Variants in SGO1 observed in about 807,000 individuals in gnomAD.
SGO1 encodes shugoshin 1, also known as serologically defined breast cancer antigen NY-BR-85.
Under a neutral mutation model 50.5 loss-of-function variants are expected in SGO1, and 39 were observed. The ratio of observed to expected loss-of-function variants is 0.77; its 90% CI spans 0.60 to 1.01. SGO1 has a LOEUF of 1.01. Among genes scored for constraint, SGO1 ranks in the 50% least tolerant of loss-of-function variants. The pLI is 0.00. For synonymous variants in SGO1, 191 were observed against 205.1 expected (o/e 0.93, Z 0.59); for missense variants, 638 against 606.0 (o/e 1.05, Z -0.55).
Position 20,174,370 on chromosome 3 carries a change from C to T in SGO1, c.1161G>A (p.Lys387=), listed in dbSNP as rs1487879707. 1 of 1,614,174 alleles carries T rather than the reference C, an allele frequency of 6.2e-7. No homozygotes were observed. ...DSDDLYLPTC[K]YIQNPTSNSD... is the part of the protein sequence containing the mutation. ...AATTGCTCGTGGGATTCTGAATGTA[C>T]TTGCAAGTGGGCAAATAGAGGTCAT... The change falls in exon 6 of 8, where the codon AAG becomes AAA. Residue 387 remains lysine (K), a synonymous_variant. Coordinates refer to ENST00000412997, the MANE Select transcript of SGO1 (RefSeq NM_001199251.3).
chr3:20,177,701 G>C (rs1701555965), intron 4 of SGO1, among the ~76,000 whole-genome samples: 1 of 152,086 alleles, frequency 6.6e-6, no homozygotes. Flanking sequence ...ATATACATTA[G>C]TCAAACTCAT....
chr3:20,180,747 T>C (rs1490602465), intron 3 of SGO1, among the ~76,000 whole-genome samples: 1 of 152,238 alleles, frequency 6.6e-6, no homozygotes, highest in African/African-American at 2.4e-5. Context: ...TAATTATCTT[T>C]TGAAATTTGA....
At chr3:20,175,091 T>C in intron 5 of SGO1, 36 bp from the exon 6 acceptor site, 1 of 1,370,382 alleles carries the variant, frequency 7.3e-7, no homozygotes, top group Non-Finnish European at 9.5e-7. Context: ...AAAGTAGTTT[T>C]ACTTTGTGGA....
In SGO1 at chr3:20,171,163, G is replaced by C. The variant is rs1700696157; in HGVS notation, c.1352C>G (p.Pro451Arg). The C allele has an allele frequency of 1.9e-6, 3 of 1,612,786 alleles. No individual in the cohort carries two copies. Among genetic ancestry groups the C allele is most frequent in the Non-Finnish European group, 2.5e-6 (3 of 1,179,560 alleles). ...AGAAAGTCTTCTGATTTTCACAACA[G>C]GATACAAGGAGACATTGGTGATATC... is the stretch of plus-strand genomic sequence containing the variant. Reference protein sequence around the residue: ...LKDITNVSLYPVVKIRRLSLS... With the variant: ...LKDITNVSLYRVVKIRRLSLS... Residue 451 changes from proline to arginine, a missense_variant, in exon 7 of 8, where the codon CCT becomes CGT. By Grantham distance (103) the Pro-to-Arg change is moderately radical (BLOSUM62 -2). Transcript: ENST00000412997.
intron 6 of SGO1, among the ~76,000 whole-genome samples, chr3:20,172,726 G>A (rs1700890825): frequency 6.7e-6 from 1 of 148,750 alleles, no homozygotes. Context: ...AAGGCAGGAG[G>A]ACTGCTTTAG....
At chr3:20,186,427 A>C (rs576408835), upstream of SGO1, 3 of 151,588 alleles carry the variant, frequency 2.0e-5, no homozygotes, top group Non-Finnish European at 2.9e-5. Flanking sequence ...AGTCGTGGGG[A>C]TTTTACGGGT....
chr3:20,171,128 T>C lies in SGO1; in HGVS notation c.1387A>G (p.Lys463Glu), dbSNP rs1295023289. ...VKIRRLSLSP[K>E]KNKASPAVAL... ...ACTGCTGGGCTTGCTTTATTCTTTTTTGGAGAAAGAGAAAGTCTTCTGATT... is the reference window on the plus strand; with the variant it reads ...ACTGCTGGGCTTGCTTTATTCTTTTCTGGAGAAAGAGAAAGTCTTCTGATT... The change falls in exon 7 of 8, where the codon AAA (lysine) becomes GAA (glutamate). Residue 463 changes from lysine to glutamate, a missense_variant. By Grantham distance (56) the Lys-to-Glu change is moderately conservative. Coordinates refer to ENST00000412997, the MANE Select transcript of SGO1 (RefSeq NM_001199251.3). 3 of 1,613,486 alleles carry C rather than the reference T, an allele frequency of 1.9e-6. No homozygotes were observed. The highest frequency in any genetic ancestry group is 2.2e-5 in the East Asian group (1 of 44,822).
intron 3 of SGO1, among the ~76,000 whole-genome samples, chr3:20,180,127 T>C (rs1250938354): frequency 6.6e-6 from 1 of 152,066 alleles, no homozygotes; most frequent in Non-Finnish European, 1.5e-5. Flanking sequence ...TGAGATGGTC[T>C]CCACAAAAAA....
At chr3:20,179,548 C>T (rs2125349842) in intron 3 of SGO1, among the ~76,000 whole-genome samples, 1 of 152,212 alleles carries the variant, frequency 6.6e-6, no homozygotes, top group South Asian at 2.1e-4. Context: ...CCTCAGCCTC[C>T]CAAGTAGCTG....
intron 8 of SGO1, among the ~76,000 whole-genome samples, chr3:20,164,460 A>G (rs976505449): frequency 2.6e-5 from 4 of 152,198 alleles, no homozygotes; most frequent in African/African-American, 9.6e-5. Context: ...GTTATTAGTG[A>G]TCACTTACAG....
At chr3:20,172,446 A>T (rs1336656857) in intron 6 of SGO1, among the ~76,000 whole-genome samples, 1 of 147,050 alleles carries the variant, frequency 6.8e-6, no homozygotes, top group African/African-American at 2.5e-5. Flanking sequence ...GGTTGGGATG[A>T]GCTGAGATCG....
At position 20,170,128 on chromosome 3, in the gene SGO1, GC is replaced by G; in HGVS notation, c.*575del. The G allele has an allele frequency of 1.0e-6, 1 of 984,860 alleles. No homozygotes were observed. Among genetic ancestry groups the G allele is most frequent in the Non-Finnish European group, 1.2e-6 (1 of 829,446 alleles). The allele number at this position is 984,860 out of a possible 1,614,324, so 61.0% of individuals were successfully genotyped here. On this transcript the variant is annotated 3_prime_UTR_variant, in exon 8 of 8. Coordinates refer to ENST00000412997, the MANE Select transcript of SGO1 (RefSeq NM_001199251.3). ...TTGTATAAGATACATTTTGGGCTGG[GC>G]ACAGTGGCTCAGTAATCCCAGCACT... is the stretch of plus-strand genomic sequence containing the variant.
chr3:20,178,216 AC>A, intron 4 of SGO1, 54 bp downstream of exon 4: 1 of 1,242,964 alleles, frequency 8.0e-7, no homozygotes, highest in Non-Finnish European at 1.2e-6. Context: ...TAAATGAATC[AC>A]AGAATTAAAC....
chr3:20,172,556 C>G (rs1700867144), intron 6 of SGO1, among the ~76,000 whole-genome samples: 2 of 150,592 alleles, frequency 1.3e-5, no homozygotes, highest in African/African-American at 4.9e-5. Context: ...TGGGGTATGG[C>G]CTGAGATTCT....
chr3:20,165,262 ATGAG>A (rs1345457811), downstream of SGO1, among the ~76,000 whole-genome samples: 2 of 152,224 alleles, frequency 1.3e-5, no homozygotes, highest in African/African-American at 4.8e-5. Context: ...TGGGAACTAA[ATGAG>A]TGAGAGCTTA....
downstream of SGO1, among the ~76,000 whole-genome samples, chr3:20,166,235 C>T (rs915476329): frequency 3.9e-4 from 60 of 152,224 alleles, no homozygotes; most frequent in African/African-American, 1.4e-3. Context: ...ATTTGGAAAT[C>T]ACATATCTGA....
At chr3:20,161,034 A>T (rs927151382) in exon 9 of SGO1, 15 of 1,603,228 alleles carry the variant, frequency 9.4e-6, no homozygotes, top group Middle Eastern at 1.7e-4. Flanking sequence ...GCTAGAATCT[A>T]TTAAAGGTCT....
At chr3:20,185,717 T>C (rs1702582289) in intron 1 of SGO1, among the ~76,000 whole-genome samples, 1 of 152,232 alleles carries the variant, frequency 6.6e-6, no homozygotes, top group Non-Finnish European at 1.5e-5. Flanking sequence ...GCCAGGCTTT[T>C]AGCTATTGTA....
chr3:20,176,492 C>G, intron 5 of SGO1, 109 bp downstream of exon 5: 2 of 696,842 alleles, frequency 2.9e-6, no homozygotes, highest in Non-Finnish European at 4.7e-6. Context: ...ACCAGATGAA[C>G]AAATTTAAAA....
Sources: gnomAD v4.1 joint callset for allele counts (sites outside exome capture counted in the v4.1 genomes callset) on GRCh38, gnomAD v4.1.1 for gene constraint, MANE v1.5 for transcripts, NCBI Gene and HGNC (gene_info 2026-07-23, HGNC 2026-07-21) for gene names.